Variants in IGSF21 observed in about 807,000 individuals in gnomAD.
IGSF21 encodes the protein immunoglobulin superfamily member 21.
In IGSF21, 28 loss-of-function variants were observed where a neutral mutation model predicts 46.8. The observed-to-expected ratio is 0.60, with a 90% CI of 0.44 to 0.82. The LOEUF (loss-of-function observed/expected upper bound fraction) is 0.82. IGSF21 is among the 40% of genes least tolerant of loss of function. The probability of loss-of-function intolerance (pLI) is 0.00; values close to 1 mark genes in which losing one functional copy is unlikely to be tolerated. For missense variants in IGSF21, 624 were observed against 665.5 expected (o/e 0.94, Z 0.69); for synonymous variants, 284 against 273.6 (o/e 1.04, Z -0.38).
chr1:18,263,002 T>G (rs1205302980), intron 2 of IGSF21, among the ~76,000 whole-genome samples: 2 of 152,020 alleles, frequency 1.3e-5, no homozygotes, highest in African/African-American at 4.8e-5. Context: ...CTTGAGTATG[T>G]GGGGGATGGC....
intron 1 of IGSF21, among the ~76,000 whole-genome samples, chr1:18,161,172 C>T (rs530711314): frequency 6.6e-5 from 10 of 152,136 alleles, no homozygotes; most frequent in East Asian, 1.9e-4. Flanking sequence ...CGTTTTAGCA[C>T]GGCCAGCCTC....
At position 18,340,995 on chromosome 1, in the gene IGSF21, TCC is replaced by T. The variant is rs1381945268; in HGVS notation, c.424+5986_424+5987del. 3.0e-3 allele frequency among the ~76,000 whole-genome samples: 405 copies of T among 133,618 alleles called. 7 individuals carry two copies. The highest frequency in any genetic ancestry group is 0.01 in the African/African-American group (353 of 34,496). 87.7% of individuals were successfully genotyped at this position (133,618 alleles called of 152,430 possible). On this transcript the variant is annotated intron_variant, in intron 4 of 9. Coordinates refer to ENST00000251296, the MANE Select transcript of IGSF21 (RefSeq NM_032880.5). ...CTCCTTCTTCTTCTCCTTCTTCTTC[TCC>T]TCCTCCTCCTTCTTCTCTTCTTCTT... is the stretch of plus-strand genomic sequence containing the variant.
Position 18,376,325 on chromosome 1 carries a change from C to G in IGSF21, c.1031C>G (p.Pro344Arg). 1 of 1,613,794 alleles carries G rather than the reference C, an allele frequency of 6.2e-7. No individual in the cohort carries two copies. Among genetic ancestry groups the G allele is most frequent in the South Asian group, 1.1e-5 (1 of 91,056 alleles). The stretch of plus-strand genomic sequence containing the variant: ...CTCCCTACAGTTGCCCCCAAAGGAC[C>G]CAAAATTGTGATGACGCCCAGCAGA... ...AEVTLVAPKG[P>R]KIVMTPSRAR... Residue 344 changes from proline (P) to arginine (R), a missense_variant, in exon 7 of 10, where the codon CCC (proline) becomes CGC (arginine). By Grantham distance (103) the Pro-to-Arg change is moderately radical. Coordinates refer to ENST00000251296, the MANE Select transcript of IGSF21 (RefSeq NM_032880.5).
chr1:18,126,910 G>T (rs1234886170), intron 1 of IGSF21, among the ~76,000 whole-genome samples: 2 of 152,072 alleles, frequency 1.3e-5, no homozygotes, highest in African/African-American at 4.8e-5. Context: ...AATCCTGCAG[G>T]TGGGGACAGA....
intron 2 of IGSF21, among the ~76,000 whole-genome samples, chr1:18,233,884 G>T (rs1311763143): frequency 2.0e-5 from 3 of 152,140 alleles, no homozygotes; most frequent in African/African-American, 4.8e-5. Flanking sequence ...CTGAAACAGG[G>T]AGCTATTTCA....
intron 1 of IGSF21, among the ~76,000 whole-genome samples, chr1:18,108,816 C>T (rs2086115464): frequency 6.6e-6 from 1 of 150,490 alleles, no homozygotes; most frequent in Non-Finnish European, 1.5e-5. Context: ...GGAGATGGGA[C>T]TGTGACACTG....
chr1:18,376,662 C>G (rs953895624), intron 7 of IGSF21, 138 bp from the exon 8 acceptor site: 3 of 773,006 alleles, frequency 3.9e-6, no homozygotes, highest in Non-Finnish European at 6.3e-6. Flanking sequence ...TCCTCCTCCT[C>G]CTGGAGTTCA....
intron 1 of IGSF21, among the ~76,000 whole-genome samples, chr1:18,203,841 C>T (rs2087101010): frequency 6.6e-6 from 1 of 152,200 alleles, no homozygotes; most frequent in Non-Finnish European, 1.5e-5. Flanking sequence ...TTGTAGTCCA[C>T]AGGGCAAAAT....
chr1:18,281,259 G>A (rs2085157475), intron 2 of IGSF21, among the ~76,000 whole-genome samples: 1 of 104,680 alleles, frequency 9.6e-6, no homozygotes, highest in South Asian at 2.4e-4. Context: ...CCGAGGGTGT[G>A]TAGTGAAGAG....
rs1206176646 is a variant in IGSF21, at chr1:18,305,423, AGATG to A, written c.305+13444_305+13447del. 5.5e-5 allele frequency among the ~76,000 whole-genome samples: 8 copies of A among 144,434 alleles called. No homozygotes were observed. The East Asian group carries it at 8.7e-4, about 16-fold the overall frequency. 94.8% of individuals were successfully genotyped at this position (144,434 alleles called of 152,430 possible). ...GATAATGGATGGATGATGGATGGAT[AGATG>A]GATGGATTATGGATGGATGGATGCA... is the stretch of plus-strand genomic sequence containing the variant. On this transcript the variant is annotated intron_variant, in intron 3 of 9. Coordinates refer to ENST00000251296, the MANE Select transcript of IGSF21 (RefSeq NM_032880.5).
At chr1:18,296,408 G>GC (rs147367501) in intron 3 of IGSF21, among the ~76,000 whole-genome samples, 4,412 of 152,214 alleles carry the variant, frequency 0.029, 221 homozygotes, top group African/African-American at 0.097. Context: ...CTAGCTGAGT[G>GC]TTTTTTGCTG....
intron 4 of IGSF21, among the ~76,000 whole-genome samples, chr1:18,345,480 G>A (rs138472874): frequency 6.6e-6 from 1 of 152,286 alleles, no homozygotes; most frequent in Non-Finnish European, 1.5e-5. Context: ...CGCCTCCTGA[G>A]TTCAAGTCAT....
chr1:18,319,451 T>C (rs1346374553), intron 3 of IGSF21, among the ~76,000 whole-genome samples: 1 of 152,246 alleles, frequency 6.6e-6, no homozygotes, highest in Non-Finnish European at 1.5e-5. Context: ...TAGTAACTAT[T>C]ACTATGAAAA....
intron 1 of IGSF21, among the ~76,000 whole-genome samples, chr1:18,153,111 C>T (rs1570272869): frequency 6.6e-6 from 1 of 152,176 alleles, no homozygotes; most frequent in South Asian, 2.1e-4. Flanking sequence ...CAGATTCTGC[C>T]CAGCAGCAGC....
chr1:18,180,307 C>CTGAATGAA (rs113966908), intron 1 of IGSF21, among the ~76,000 whole-genome samples: 2 of 152,122 alleles, frequency 1.3e-5, no homozygotes, highest in African/African-American at 4.8e-5. Context: ...TCAAAAAACC[C>CTGAATGAA]TGAATGAATG....
intron 1 of IGSF21, among the ~76,000 whole-genome samples, chr1:18,178,667 C>T (rs561466540): frequency 6.6e-6 from 1 of 152,266 alleles, no homozygotes; most frequent in African/African-American, 2.4e-5. Context: ...CTCCCAGTGC[C>T]CCTTCCTGCC....
At chr1:18,276,221 T>C (rs909310838) in intron 2 of IGSF21, among the ~76,000 whole-genome samples, 10 of 152,084 alleles carry the variant, frequency 6.6e-5, no homozygotes, top group Admixed American at 6.5e-5. Context: ...GGCTGAGCAA[T>C]TCTAATGCTT....
intron 1 of IGSF21, among the ~76,000 whole-genome samples, chr1:18,140,367 T>A (rs974670372): frequency 2.0e-5 from 3 of 152,174 alleles, no homozygotes; most frequent in Non-Finnish European, 2.9e-5. Flanking sequence ...TCCTGCTCCC[T>A]CACTGATGTT....
At chr1:18,325,179 T>C (rs2085645716) in intron 3 of IGSF21, among the ~76,000 whole-genome samples, 1 of 152,220 alleles carries the variant, frequency 6.6e-6, no homozygotes, top group Non-Finnish European at 1.5e-5. Flanking sequence ...ATTCGGTTAG[T>C]GCAGGGGCCA....
Sources: gnomAD v4.1 joint callset for allele counts (sites outside exome capture counted in the v4.1 genomes callset) on GRCh38, gnomAD v4.1.1 for gene constraint, MANE v1.5 for transcripts, NCBI Gene and HGNC (gene_info 2026-07-23, HGNC 2026-07-21) for gene names.